Variants in C1QTNF7 observed in about 807,000 individuals in gnomAD.
C1QTNF7 encodes complement C1q tumor necrosis factor-related protein 7.
A neutral mutation model predicts 19.6 loss-of-function variants in C1QTNF7; 15 were observed. The ratio of observed to expected loss-of-function variants is 0.76; its 90% CI spans 0.51 to 1.18. The LOEUF (loss-of-function observed/expected upper bound fraction) is 1.18, where lower values mean the gene tolerates loss of function less well. Among genes scored for constraint, C1QTNF7 ranks in the 50% most tolerant of loss-of-function variants. The pLI, the probability that C1QTNF7 is intolerant of heterozygous loss-of-function variation, is 0.00. For synonymous variants in C1QTNF7, 142 were observed against 137.5 expected (o/e 1.03, Z -0.23); for missense variants, 324 against 359.7 (o/e 0.90, Z 0.80).
At chr4:15,341,528 T>C (rs935520234) in intron 1 of C1QTNF7, among the ~76,000 whole-genome samples, 2 of 152,274 alleles carry the variant, frequency 1.3e-5, no homozygotes, top group Non-Finnish European at 1.5e-5. Flanking sequence ...ACACCATTAG[T>C]TGCCTCTCTC....
At chr4:15,407,775 A>G (rs1427661830) in intron 1 of C1QTNF7, among the ~76,000 whole-genome samples, 1 of 152,136 alleles carries the variant, frequency 6.6e-6, no homozygotes, top group Non-Finnish European at 1.5e-5. Flanking sequence ...ATATATATAC[A>G]TGTTAGCCGG....
upstream of C1QTNF7, among the ~76,000 whole-genome samples, chr4:15,426,667 T>C (rs1408428980): frequency 6.6e-6 from 1 of 152,216 alleles, no homozygotes; most frequent in Non-Finnish European, 1.5e-5. Context: ...TAAGAATGCA[T>C]CTATTCTTTT....
At chr4:15,357,880 CTGTT>C (rs1717201768) in intron 1 of C1QTNF7, among the ~76,000 whole-genome samples, 2 of 152,150 alleles carry the variant, frequency 1.3e-5, no homozygotes, top group South Asian at 2.1e-4. Context: ...ATTTTCCTCT[CTGTT>C]TGTCTATTAT....
intron 1 of C1QTNF7, among the ~76,000 whole-genome samples, chr4:15,343,163 G>A (rs541293706): frequency 6.6e-6 from 1 of 152,272 alleles, no homozygotes; most frequent in African/African-American, 2.4e-5. Context: ...ACCGACTCCC[G>A]TGATCGGGTT....
At chr4:15,425,248 C>T (rs1266683016), upstream of C1QTNF7, among the ~76,000 whole-genome samples, 1 of 152,108 alleles carries the variant, frequency 6.6e-6, no homozygotes, top group East Asian at 1.9e-4. Flanking sequence ...ACTTAATCTA[C>T]TGATATGCTC....
At chr4:15,368,711 T>G (rs1408343755) in intron 1 of C1QTNF7, among the ~76,000 whole-genome samples, 2 of 152,244 alleles carry the variant, frequency 1.3e-5, no homozygotes, top group African/African-American at 4.8e-5. Flanking sequence ...TTGGGTAGGT[T>G]CCAAGTCTTT....
intron 1 of C1QTNF7, among the ~76,000 whole-genome samples, chr4:15,420,537 C>T (rs761450006): frequency 6.6e-6 from 1 of 152,204 alleles, no homozygotes; most frequent in African/African-American, 2.4e-5. Flanking sequence ...TTGAGTAGCA[C>T]AAATGTGTCA....
intron 1 of C1QTNF7, among the ~76,000 whole-genome samples, chr4:15,412,384 G>A (rs555706312): frequency 1.3e-4 from 19 of 145,770 alleles, no homozygotes; most frequent in African/African-American, 4.3e-4. Context: ...GTGCCAAAAC[G>A]TTCGGGGAGA....
chr4:15,402,586 G>T (rs1004075875), intron 1 of C1QTNF7, among the ~76,000 whole-genome samples: 4 of 152,222 alleles, frequency 2.6e-5, no homozygotes, highest in African/African-American at 9.6e-5. Context: ...GGAGGCTAGG[G>T]GTGGAAGGGA....
Position 15,436,013 on chromosome 4 carries a change from C to A in C1QTNF7, c.238+32C>A, listed in dbSNP as rs544005570. 8.8e-6 allele frequency: 14 copies of A among 1,594,550 alleles called. No homozygotes were observed. In the South Asian group the frequency reaches 1.1e-4, roughly 13 times the overall value. On this transcript the variant is annotated intron_variant, in intron 2 of 2. Transcript: ENST00000444304. ...AATGAGAAGTTGCATAAAACACCCT[C>A]CTTCACCCCCACCTTAAAACTGTTC...
intron 1 of C1QTNF7, among the ~76,000 whole-genome samples, chr4:15,359,697 G>A (rs377435662): frequency 2.6e-5 from 4 of 152,180 alleles, no homozygotes; most frequent in African/African-American, 9.6e-5. Flanking sequence ...AGCATTGACG[G>A]GACCTTAGAG....
rs535644393 is a variant in C1QTNF7, at chr4:15,340,443, C to T, written c.13+236C>T. 1.1e-3 allele frequency among the ~76,000 whole-genome samples: 169 copies of T among 152,118 alleles called. 1 individual carries two copies. The highest frequency in any genetic ancestry group is 3.9e-3 in the African/African-American group (162 of 41,494). On this transcript the variant is annotated intron_variant, in intron 1 of 2. Coordinates refer to the C1QTNF7 transcript ENST00000295297. ...AATATCTTTCACTATATAAAAAATC[C>T]CATTTGTTTCAGAAAATGTAAGCGG...
intron 1 of C1QTNF7, among the ~76,000 whole-genome samples, chr4:15,413,270 T>C (rs529828439): frequency 1.3e-5 from 2 of 152,318 alleles, no homozygotes; most frequent in South Asian, 4.1e-4. Context: ...TTTATTGTCA[T>C]CTCTTCAGAA....
At chr4:15,403,664 C>A (rs913907996) in intron 1 of C1QTNF7, among the ~76,000 whole-genome samples, 1 of 152,138 alleles carries the variant, frequency 6.6e-6, no homozygotes, top group Non-Finnish European at 1.5e-5. Flanking sequence ...TCTACATAAA[C>A]CCTATTTCAA....
chr4:15,426,061 G>C (rs867308357), upstream of C1QTNF7, among the ~76,000 whole-genome samples: 1 of 152,122 alleles, frequency 6.6e-6, no homozygotes, highest in African/African-American at 2.4e-5. Context: ...CTAGGTTAGC[G>C]GCAAACTGTT....
intron 1 of C1QTNF7, among the ~76,000 whole-genome samples, chr4:15,373,240 A>C (rs1156485846): frequency 1.6e-4 from 25 of 152,204 alleles, no homozygotes; most frequent in Admixed American, 1.6e-3. Context: ...GACAAATGCT[A>C]TGTCCACACA....
In C1QTNF7 at chr4:15,365,395, G is replaced by A. The variant is rs1717477094; in HGVS notation, c.13+25188G>A. Reference sequence around the variant, plus strand: ...TTGTTTTCCTCACCTGTGCAATAGAGATAATAATATCTAAAATGTTTCAAA... The same window carrying A: ...TTGTTTTCCTCACCTGTGCAATAGAAATAATAATATCTAAAATGTTTCAAA... On this transcript the variant is annotated intron_variant, in intron 1 of 2. Transcript: ENST00000295297. 2.0e-5 allele frequency among the ~76,000 whole-genome samples: 3 copies of A among 152,086 alleles called. No homozygotes were observed. The South Asian group carries it at 6.2e-4, about 32-fold the overall frequency.
At chr4:15,340,422 T>C (rs1355889708) in intron 1 of C1QTNF7, among the ~76,000 whole-genome samples, 1 of 152,146 alleles carries the variant, frequency 6.6e-6, no homozygotes, top group Admixed American at 6.5e-5. Flanking sequence ...TCTGTAAATA[T>C]CTTTCACTAT....
At chr4:15,383,203 A>G (rs1718210319) in intron 1 of C1QTNF7, among the ~76,000 whole-genome samples, 1 of 152,174 alleles carries the variant, frequency 6.6e-6, no homozygotes, top group African/African-American at 2.4e-5. Context: ...CCTTCTTGGC[A>G]ATGGTAATAT....
Sources: gnomAD v4.1 joint callset for allele counts (sites outside exome capture counted in the v4.1 genomes callset) on GRCh38, gnomAD v4.1.1 for gene constraint, MANE v1.5 for transcripts, NCBI Gene and HGNC (gene_info 2026-07-23, HGNC 2026-07-21) for gene names.